SEMA3D: variants seen among roughly 807,000 people sequenced by gnomAD.
SEMA3D encodes the protein semaphorin-3D.
In SEMA3D, 84 loss-of-function variants were observed where a neutral mutation model predicts 100.1. The observed-to-expected ratio is 0.84, with a 90% confidence interval of 0.70 to 1.01. SEMA3D has a LOEUF of 1.01. SEMA3D is among the 50% of genes least tolerant of loss of function. The pLI, the probability that SEMA3D is intolerant of heterozygous loss-of-function variation, is 0.00. For synonymous variants in SEMA3D, 312 were observed against 320.7 expected (o/e 0.97, Z 0.29); for missense variants, 875 against 934.1 (o/e 0.94, Z 0.82).
intron 12 of SEMA3D, among the ~76,000 whole-genome samples, chr7:85,034,172 TATTA>T (rs755572729): frequency 5.9e-5 from 9 of 152,156 alleles, no homozygotes; most frequent in Non-Finnish European, 1.3e-4. Context: ...TTATGATCAG[TATTA>T]AGTAAGTTAA....
chr7:85,181,913 C>G (rs1468961520), intron 1 of SEMA3D: 2 of 194,964 alleles, frequency 1.0e-5, no homozygotes, highest in South Asian at 1.8e-4. Context: ...CAAACATAAA[C>G]AGTATACTTC....
intron 15 of SEMA3D, among the ~76,000 whole-genome samples, chr7:85,017,716 C>T (rs1397358266): frequency 6.6e-6 from 1 of 151,742 alleles, no homozygotes; most frequent in Non-Finnish European, 1.5e-5. Context: ...TTACCATTTA[C>T]TTTACACTTA....
At chr7:85,124,144 A>G (rs1583946659) in intron 2 of SEMA3D, among the ~76,000 whole-genome samples, 1 of 152,202 alleles carries the variant, frequency 6.6e-6, no homozygotes, top group East Asian at 1.9e-4. Context: ...TAACTGATCT[A>G]CAGAAAAAAA....
chr7:85,217,632 C>T, the SEMA3D span, among the ~76,000 whole-genome samples: 1 of 151,968 alleles, frequency 6.6e-6, no homozygotes, highest in Non-Finnish European at 1.5e-5. Context: ...CTTTTGTTGT[C>T]ATGTTTCTTT....
intron 5 of SEMA3D, among the ~76,000 whole-genome samples, chr7:85,079,832 C>CAAAA: frequency 6.6e-6 from 1 of 152,138 alleles, no homozygotes. Context: ...CATTAAATGA[C>CAAAA]ATAATTTGAA....
intron 12 of SEMA3D, among the ~76,000 whole-genome samples, chr7:85,035,408 A>T (rs1790667041): frequency 6.6e-6 from 1 of 151,950 alleles, no homozygotes; most frequent in Non-Finnish European, 1.5e-5. Flanking sequence ...CTTGAAAAAC[A>T]AGGAAATTCT....
chr7:85,032,996 A>G (rs1248820214), intron 12 of SEMA3D, among the ~76,000 whole-genome samples: 1 of 152,100 alleles, frequency 6.6e-6, no homozygotes, highest in African/African-American at 2.4e-5. Context: ...ATGTGTTTAC[A>G]TATTTTTAAA....
intron 2 of SEMA3D, among the ~76,000 whole-genome samples, chr7:85,124,615 T>C (rs1319161209): frequency 2.0e-5 from 3 of 151,998 alleles, no homozygotes; most frequent in Non-Finnish European, 4.4e-5. Context: ...ACAAGACAAG[T>C]ATACTTTCAT....
At chr7:85,151,682 T>C (rs1790425886) in intron 2 of SEMA3D, 1 of 982,952 alleles carries the variant, frequency 1.0e-6, no homozygotes, top group African/African-American at 1.8e-5. Context: ...TACTATTTCT[T>C]TCATATTCTC....
intron 3 of SEMA3D, among the ~76,000 whole-genome samples, chr7:85,114,245 A>G (rs896519721): frequency 6.6e-6 from 1 of 152,204 alleles, no homozygotes; most frequent in African/African-American, 2.4e-5. Flanking sequence ...TCAGGAAAAG[A>G]GTTTTAAAAG....
chr7:85,230,218 C>T, the SEMA3D span, among the ~76,000 whole-genome samples: 3 of 152,186 alleles, frequency 2.0e-5, no homozygotes, highest in Admixed American at 1.3e-4. Flanking sequence ...AGCCACTCTT[C>T]ACTCAGCTTT....
intron 1 of SEMA3D, among the ~76,000 whole-genome samples, chr7:85,176,339 T>C (rs1478489188): frequency 3.3e-5 from 5 of 152,194 alleles, no homozygotes; most frequent in South Asian, 2.1e-4. Context: ...CAGACACTTC[T>C]ATTGTTTCAG....
chr7:85,217,349 C>A, the SEMA3D span, among the ~76,000 whole-genome samples: 1 of 151,966 alleles, frequency 6.6e-6, no homozygotes, highest in Non-Finnish European at 1.5e-5. Context: ...TGGCTACATG[C>A]TTCAGTAATA....
intron 2 of SEMA3D, among the ~76,000 whole-genome samples, chr7:85,123,980 T>C (rs1487528022): frequency 6.6e-6 from 1 of 152,062 alleles, no homozygotes; most frequent in Non-Finnish European, 1.5e-5. Flanking sequence ...AGCAGCCCTT[T>C]ATGAAAATTT....
chr7:85,068,070 C>A, intron 7 of SEMA3D, 121 bp downstream of exon 7: 1 of 636,548 alleles, frequency 1.6e-6, no homozygotes, highest in Admixed American at 2.8e-5. Flanking sequence ...ATAATGGAAA[C>A]AAATCGCTTG....
At position 85,097,733 on chromosome 7, in the gene SEMA3D, C is replaced by T. The variant is rs531155488; in HGVS notation, c.312+72G>A. On this transcript the variant is annotated intron_variant, in intron 4 of 18. Coordinates refer to ENST00000284136, the MANE Select transcript of SEMA3D (RefSeq NM_001384900.1). ...TGACACTGTGTCCCTTAAAACAAAG[C>T]AAAACAAAACGGGAGAAGAAGAGAG... The T allele has an allele frequency of 2.9e-6, 3 of 1,019,156 alleles. No individual in the cohort carries two copies. In the South Asian group the frequency reaches 5.6e-5, roughly 19 times the overall value. The allele number at this position is 1,019,156 out of a possible 1,614,324, so 63.1% of individuals were successfully genotyped here.
At chr7:85,064,413 C>CTA (rs1791557373) in intron 8 of SEMA3D, among the ~76,000 whole-genome samples, 1 of 152,162 alleles carries the variant, frequency 6.6e-6, no homozygotes, top group South Asian at 2.1e-4. Context: ...CCTTTTAAGA[C>CTA]TACCTATTAA....
At chr7:85,223,815 C>T in the SEMA3D span, among the ~76,000 whole-genome samples, 1 of 151,850 alleles carries the variant, frequency 6.6e-6, no homozygotes, top group Non-Finnish European at 1.5e-5. Flanking sequence ...ACAGTGTGCA[C>T]TGCTCAGGTG....
chr7:85,143,201 A>AT, intron 2 of SEMA3D: 2 of 936,112 alleles, frequency 2.1e-6, no homozygotes, highest in Non-Finnish European at 1.3e-6. Context: ...GAGAAAAGTG[A>AT]TTAGCAGAAT....
Sources: allele counts gnomAD v4.1 joint callset (sites outside exome capture counted in the v4.1 genomes callset), GRCh38; gene constraint gnomAD v4.1.1; transcripts MANE v1.5; gene names NCBI Gene and HGNC (gene_info 2026-07-23, HGNC 2026-07-21).